TTLL1: variants seen among roughly 807,000 people sequenced by gnomAD.
The protein encoded by TTLL1 is polyglutamylase complex subunit TTLL1.
A neutral mutation model predicts 47.8 loss-of-function variants in TTLL1; 33 were observed. That is an observed-to-expected ratio of 0.69 (90% CI 0.52 to 0.92). TTLL1 has a LOEUF of 0.92. TTLL1 is among the 40% of genes least tolerant of loss of function. The probability of loss-of-function intolerance (pLI) is 0.00; values close to 1 mark genes in which losing one functional copy is unlikely to be tolerated. For synonymous variants in TTLL1, 225 were observed against 214.1 expected (o/e 1.05, Z -0.45); for missense variants, 488 against 547.5 (o/e 0.89, Z 1.08).
In TTLL1 at chr22:43,064,308, T is replaced by G; in HGVS notation, c.520A>C (p.Asn174His). Residue 174 changes from asparagine to histidine, a missense_variant, in exon 6 of 11, where the codon AAT becomes CAT. Asn to His is a moderately conservative substitution (Grantham distance 68, BLOSUM62 1). Coordinates refer to ENST00000266254, the MANE Select transcript of TTLL1 (RefSeq NM_012263.5). ...AGAGAGATCACGTAGGCTTCCTTAT[T>G]AGATTGAGACACAAACCTAAACATG... ...SKTSSFVSQSNKEAYVISLYI... is the reference protein window; with the variant it reads ...SKTSSFVSQSHKEAYVISLYI... 6.2e-7 allele frequency: 1 copy of G among 1,612,470 alleles called. No homozygotes were observed. Among genetic ancestry groups the G allele is most frequent in the African/African-American group, 1.3e-5 (1 of 74,986 alleles).
chr22:43,084,847 T>C (rs1277715677), intron 1 of TTLL1, among the ~76,000 whole-genome samples: 1 of 151,368 alleles, frequency 6.6e-6, no homozygotes, highest in Admixed American at 6.6e-5. Flanking sequence ...TATCATCAGG[T>C]GGTTAGGTTG....
intron 2 of TTLL1, among the ~76,000 whole-genome samples, chr22:43,076,916 A>C (rs1469413683): frequency 1.3e-5 from 2 of 151,732 alleles, no homozygotes; most frequent in South Asian, 2.1e-4. Flanking sequence ...CCTGGCTAAC[A>C]CAGTAAAACC....
At chr22:43,081,410 C>G (rs1928879093) in intron 1 of TTLL1, among the ~76,000 whole-genome samples, 1 of 152,078 alleles carries the variant, frequency 6.6e-6, no homozygotes, top group South Asian at 2.1e-4. Flanking sequence ...CAGTCGCTCC[C>G]ATAGAGATGT....
At chr22:43,048,241 C>T (rs984584961) in intron 9 of TTLL1, among the ~76,000 whole-genome samples, 3 of 151,532 alleles carry the variant, frequency 2.0e-5, no homozygotes, top group African/African-American at 7.3e-5. Context: ...CGCTTGAACC[C>T]GGGAGGTGGA....
At chr22:43,064,005 TTG>T (rs1927564152) in intron 6 of TTLL1, 84 bp from the exon 7 acceptor site, 2 of 1,471,158 alleles carry the variant, frequency 1.4e-6, no homozygotes, top group East Asian at 2.3e-5. Context: ...AGAGCTGCTT[TTG>T]TGTGTGTGAT....
intron 3 of TTLL1, chr22:43,070,086 G>T: frequency 1.6e-6 from 2 of 1,283,492 alleles, no homozygotes; most frequent in Admixed American, 2.0e-5. Flanking sequence ...TTCCCTCTCT[G>T]GCCCGGAGCA....
intron 10 of TTLL1, among the ~76,000 whole-genome samples, chr22:43,043,463 C>T (rs1162217778): frequency 6.6e-6 from 1 of 152,036 alleles, no homozygotes; most frequent in Non-Finnish European, 1.5e-5. Context: ...TCCTCCAGCA[C>T]AGGGGCCATC....
chr22:43,061,353 G>C (rs1178977644), intron 7 of TTLL1, among the ~76,000 whole-genome samples: 2 of 152,222 alleles, frequency 1.3e-5, no homozygotes. Flanking sequence ...CCCAAGACCA[G>C]CAAGGTGAAC....
Position 43,075,544 on chromosome 22 carries a change from C to G in TTLL1, c.43G>C (p.Val15Leu), listed in dbSNP as rs1468977562. The change falls in exon 3 of 11, where the codon GTG becomes CTG. Residue 15 changes from valine (V) to leucine (L), a missense_variant. By Grantham distance (32) the Val-to-Leu change is conservative. Transcript: ENST00000266254. ...CTCTTTTCAAAGTTATTGATCAGCA[C>G]TGACTTCTCGATATCAGTGACCCAT... ...VKWVTDIEKS[V>L]LINNFEKRGW... 6.2e-7 allele frequency: 1 copy of G among 1,614,228 alleles called. No individual in the cohort carries two copies. The highest frequency in any genetic ancestry group is 8.5e-7 in the Non-Finnish European group (1 of 1,180,046).
Position 43,062,832 on chromosome 22 carries a change from GA to G in TTLL1, c.747+980del, listed in dbSNP as rs534630275. ...ACAGAGCGAGACTCCGCCTCAAAAA[GA>G]AAAAAAAAGTGCGTTTTCTATACCT... On this transcript the variant is annotated intron_variant, in intron 7 of 10. Coordinates refer to ENST00000266254, the MANE Select transcript of TTLL1 (RefSeq NM_012263.5). Among the ~76,000 whole-genome samples, 322 of 150,986 alleles carry G rather than the reference GA, an allele frequency of 2.1e-3. 1 individual carries two copies. The highest frequency in any genetic ancestry group is 2.1e-3 in the Non-Finnish European group (143 of 67,644).
At chr22:43,070,088 C>T (rs1928014694) in intron 3 of TTLL1, 1 of 1,294,392 alleles carries the variant, frequency 7.7e-7, no homozygotes, top group Non-Finnish European at 1.1e-6. Context: ...CCCTCTCTGG[C>T]CCGGAGCAGG....
At chr22:43,083,869 C>T (rs1929058069) in intron 1 of TTLL1, among the ~76,000 whole-genome samples, 2 of 151,714 alleles carry the variant, frequency 1.3e-5, no homozygotes, top group Non-Finnish European at 2.9e-5. Context: ...TTTAATTAAT[C>T]AAGAAAAAAA....
intron 8 of TTLL1, among the ~76,000 whole-genome samples, chr22:43,054,187 C>T (rs1302645482): frequency 6.6e-6 from 1 of 152,192 alleles, no homozygotes; most frequent in Non-Finnish European, 1.5e-5. Context: ...TTACCTGCCA[C>T]CCAAGCTGCA....
intron 2 of TTLL1, among the ~76,000 whole-genome samples, chr22:43,078,831 G>A (rs1310700998): frequency 2.6e-5 from 4 of 151,878 alleles, no homozygotes; most frequent in Non-Finnish European, 5.9e-5. Flanking sequence ...ACCCCAGAGC[G>A]TGAGCCCATC....
intron 3 of TTLL1, among the ~76,000 whole-genome samples, chr22:43,070,754 C>A (rs1004892852): frequency 6.6e-6 from 1 of 152,188 alleles, no homozygotes. Flanking sequence ...CCTCCACCCC[C>A]CTCAGCACTG....
intron 1 of TTLL1, among the ~76,000 whole-genome samples, chr22:43,082,378 A>C (rs1312406804): frequency 6.6e-6 from 1 of 152,150 alleles, no homozygotes; most frequent in East Asian, 1.9e-4. Flanking sequence ...TTTCTTTTTC[A>C]GGGTTTCTTT....
chr22:43,056,214 C>T (rs1926990223), intron 8 of TTLL1, among the ~76,000 whole-genome samples: 1 of 151,788 alleles, frequency 6.6e-6, no homozygotes. Flanking sequence ...CAAAAATTAG[C>T]TGGGCGTGGT....
intron 9 of TTLL1, among the ~76,000 whole-genome samples, chr22:43,049,693 C>A (rs1926444957): frequency 6.6e-6 from 1 of 150,762 alleles, no homozygotes; most frequent in African/African-American, 2.4e-5. Context: ...CACTTAAGCT[C>A]AGAAGGTGTA....
chr22:43,082,232 G>A (rs998518089), intron 1 of TTLL1, among the ~76,000 whole-genome samples: 6 of 151,574 alleles, frequency 4.0e-5, no homozygotes, highest in Non-Finnish European at 7.4e-5. Context: ...CTCCAGAGCT[G>A]GTAATTTCTG....
Sources: allele counts gnomAD v4.1 joint callset (sites outside exome capture counted in the v4.1 genomes callset), GRCh38; gene constraint gnomAD v4.1.1; transcripts MANE v1.5; gene names NCBI Gene and HGNC (gene_info 2026-07-23, HGNC 2026-07-21).